The following PDE4D variants were observed in gnomAD, a reference collection of about 807,000 sequenced individuals.
The protein encoded by PDE4D is phosphodiesterase 4D.
A neutral mutation model predicts 87.4 loss-of-function variants in PDE4D; 24 were observed. The observed-to-expected ratio is 0.27, with a 90% CI of 0.20 to 0.39. The LOEUF is 0.39. Ranked by LOEUF, PDE4D falls within the 10% of genes least tolerant of loss-of-function variation. The pLI is 1.00. For synonymous variants in PDE4D, 384 were observed against 383.2 expected (o/e 1.00, Z -0.02); for missense variants, 714 against 1,041.0 (o/e 0.69, Z 4.32).
intron 1 of PDE4D, among the ~76,000 whole-genome samples, chr5:59,722,447 T>C (rs1561540126): frequency 6.6e-6 from 1 of 152,210 alleles, no homozygotes; most frequent in Non-Finnish European, 1.5e-5. Context: ...CTAGAACCTT[T>C]GCAAATCTTC....
At chr5:59,916,443 A>C (rs938357364) in intron 3 of PDE4D, among the ~76,000 whole-genome samples, 9 of 152,234 alleles carry the variant, frequency 5.9e-5, no homozygotes, top group African/African-American at 2.2e-4. Context: ...CCAGACATAC[A>C]GTGAACAATA....
rs1425703104 is a variant in PDE4D, at chr5:60,501,625, A to G, written n.70+20426T>C. Among the ~76,000 whole-genome samples the G allele has an allele frequency of 3.3e-4, 50 of 151,638 alleles. 1 individual carries two copies. The East Asian group carries it at 9.3e-3, about 28-fold the overall frequency. ...GGTTTACAGTCCCACCAACAGTGTA[A>G]AAGTGTTCCTATTTCTCCACATCCT... On this transcript the variant is annotated intron_variant and non_coding_transcript_variant, in intron 1 of 2. Transcript: ENST00000506510.
chr5:60,260,046 A>C (rs906622132), intron 1 of PDE4D, among the ~76,000 whole-genome samples: 4 of 152,044 alleles, frequency 2.6e-5, no homozygotes, highest in Admixed American at 6.6e-5. Context: ...TTAAGCCAAA[A>C]TATGTGAAAG....
chr5:59,111,819 T>A (rs1176558745), intron 5 of PDE4D, among the ~76,000 whole-genome samples: 1 of 152,214 alleles, frequency 6.6e-6, no homozygotes, highest in African/African-American at 2.4e-5. Context: ...GTAACAGAAC[T>A]GAGTACATCG....
At chr5:60,096,489 A>G (rs1429413487) in intron 2 of PDE4D, among the ~76,000 whole-genome samples, 1 of 152,150 alleles carries the variant, frequency 6.6e-6, no homozygotes, top group Non-Finnish European at 1.5e-5. Context: ...AAAAAGAGAA[A>G]GCAAAACTTC....
intron 1 of PDE4D, among the ~76,000 whole-genome samples, chr5:60,235,542 C>T (rs1161694574): frequency 6.6e-6 from 1 of 151,776 alleles, no homozygotes; most frequent in Non-Finnish European, 1.5e-5. Context: ...TCCCGCTCCA[C>T]ATCTCTTACT....
At chr5:60,369,683 G>A (rs1408978361) in intron 1 of PDE4D, among the ~76,000 whole-genome samples, 1 of 152,108 alleles carries the variant, frequency 6.6e-6, no homozygotes, top group Non-Finnish European at 1.5e-5. Context: ...TGTGTTTAAT[G>A]AGATTGAGGC....
intron 2 of PDE4D, among the ~76,000 whole-genome samples, chr5:60,100,900 A>T (rs1437757144): frequency 6.6e-6 from 1 of 152,084 alleles, no homozygotes; most frequent in Non-Finnish European, 1.5e-5. Flanking sequence ...AGGTGTTTTA[A>T]ATACATCCAT....
intron 1 of PDE4D, among the ~76,000 whole-genome samples, chr5:59,847,636 C>T (rs1194128779): frequency 6.6e-6 from 1 of 152,104 alleles, no homozygotes; most frequent in Non-Finnish European, 1.5e-5. Context: ...TCAGTTTCTT[C>T]TGAACATGTT....
At chr5:59,279,643 T>C (rs1475949652) in intron 1 of PDE4D, among the ~76,000 whole-genome samples, 2 of 152,100 alleles carry the variant, frequency 1.3e-5, no homozygotes, top group Non-Finnish European at 2.9e-5. Flanking sequence ...TAGACTATAC[T>C]TTCTTAATTA....
At chr5:60,101,863 T>C (rs1472686152) in intron 2 of PDE4D, among the ~76,000 whole-genome samples, 1 of 152,162 alleles carries the variant, frequency 6.6e-6, no homozygotes, top group Non-Finnish European at 1.5e-5. Flanking sequence ...CCTTTATTAT[T>C]ATATTTTTAA....
At chr5:59,624,213 A>G (rs1830645036) in intron 1 of PDE4D, among the ~76,000 whole-genome samples, 1 of 152,156 alleles carries the variant, frequency 6.6e-6, no homozygotes, top group East Asian at 1.9e-4. Flanking sequence ...TCCCCATTCT[A>G]TCCTTCAGGA....
chr5:60,374,838 T>C (rs1219807532), intron 1 of PDE4D, among the ~76,000 whole-genome samples: 1 of 152,236 alleles, frequency 6.6e-6, no homozygotes, highest in Admixed American at 6.5e-5. Context: ...TCATGTTATA[T>C]AATATGCTTA....
At chr5:59,485,169 G>C (rs1014462789) in intron 1 of PDE4D, among the ~76,000 whole-genome samples, 1 of 152,172 alleles carries the variant, frequency 6.6e-6, no homozygotes, top group Non-Finnish European at 1.5e-5. Flanking sequence ...GCTTTTAGAA[G>C]ACACAGTAAG....
intron 1 of PDE4D, among the ~76,000 whole-genome samples, chr5:59,227,951 C>T (rs376214627): frequency 6.6e-6 from 1 of 152,038 alleles, no homozygotes; most frequent in African/African-American, 2.4e-5. Context: ...TACGTGCATG[C>T]ATGTGTTAAT....
At chr5:60,125,611 G>A (rs1779064788) in intron 2 of PDE4D, among the ~76,000 whole-genome samples, 1 of 152,158 alleles carries the variant, frequency 6.6e-6, no homozygotes, top group Non-Finnish European at 1.5e-5. Flanking sequence ...AAGACAGAGA[G>A]AGAGAGAGAG....
chr5:59,962,055 TTTAGA>T (rs1459858757), intron 3 of PDE4D, among the ~76,000 whole-genome samples: 1 of 151,852 alleles, frequency 6.6e-6, no homozygotes, highest in Non-Finnish European at 1.5e-5. Flanking sequence ...CCTTAATTTT[TTTAGA>T]TTAAAGGACT....
At chr5:59,412,464 G>T (rs912837904) in intron 1 of PDE4D, among the ~76,000 whole-genome samples, 1 of 152,132 alleles carries the variant, frequency 6.6e-6, no homozygotes, top group African/African-American at 2.4e-5. Flanking sequence ...GCACTGGAGT[G>T]GGGGAAGAAC....
chr5:60,467,020 AT>A (rs969859661), intron 1 of PDE4D, among the ~76,000 whole-genome samples: 46 of 151,436 alleles, frequency 3.0e-4, no homozygotes, highest in Non-Finnish European at 4.0e-4. Flanking sequence ...AATTTTAAAT[AT>A]TTTTTTATTT....
Sources: gnomAD v4.1 joint callset for allele counts (sites outside exome capture counted in the v4.1 genomes callset) on GRCh38, gnomAD v4.1.1 for gene constraint, MANE v1.5 for transcripts, NCBI Gene and HGNC (gene_info 2026-07-23, HGNC 2026-07-21) for gene names.